Variants in TAB3 observed in about 807,000 individuals in gnomAD.
TAB3 encodes TGF-beta-activated kinase 1 and MAP3K7-binding protein 3.
In TAB3, 18 loss-of-function variants were observed where a neutral mutation model predicts 48.1. The observed-to-expected ratio is 0.37, with a 90% CI of 0.26 to 0.55. The LOEUF is 0.55. TAB3 is among the 20% of genes least tolerant of loss of function. TAB3 has a pLI of 0.78. For synonymous variants in TAB3, 185 were observed against 190.2 expected (o/e 0.97, Z 0.22); for missense variants, 414 against 549.8 (o/e 0.75, Z 2.47).
intron 8 of TAB3, chrX:30,846,230 TA>T: frequency 3.0e-6 from 1 of 334,150 alleles, no homozygotes; most frequent in Non-Finnish European, 4.6e-6. Flanking sequence ...GTCTATCACA[TA>T]ATATGAACTC....
At chrX:30,842,817 C>A (rs1248215486) in intron 9 of TAB3, 149 bp downstream of exon 9, 23 of 388,187 alleles carry the variant, frequency 5.9e-5, no homozygotes, top group Non-Finnish European at 9.5e-5. Flanking sequence ...CAGAATGAGA[C>A]CCTGTCTCAA....
chrX:30,867,177 A>T lies in TAB3; in HGVS notation c.-153T>A, dbSNP rs1027970191. The T allele has an allele frequency of 1.8e-5, 2 of 111,867 alleles. No homozygotes were observed. Among genetic ancestry groups the T allele is most frequent in the African/African-American group, 6.5e-5 (2 of 30,760 alleles). 9.2% of individuals were successfully genotyped at this position (111,867 alleles called of 1,213,427 possible). A position where few individuals can be genotyped will look rare whatever the true frequency, so the allele number is the denominator to read the frequency against. The stretch of plus-strand genomic sequence containing the variant: ...TGTCACAGCCAAGAGGAGTCTAAGG[A>T]GACATAACAACCAACTGTGATGGGG... On this transcript the variant is annotated 5_prime_UTR_variant, in exon 4 of 11. Coordinates refer to ENST00000288422, the MANE Select transcript of TAB3 (RefSeq NM_152787.5).
In TAB3 at chrX:30,834,050, C is replaced by A; in HGVS notation, c.1990+1G>T. 3 of 1,208,564 alleles carry A rather than the reference C, an allele frequency of 2.5e-6. No homozygotes were observed. Among genetic ancestry groups the A allele is most frequent in the Non-Finnish European group, 3.4e-6 (3 of 892,926 alleles). On this transcript the variant is annotated splice_donor_variant, in intron 10 of 10. Transcript: ENST00000288422. LOFTEE classifies it high-confidence loss of function. ...CAAACTCTGGACACACAAGTACAAACCATCTGCAGCTGCTGCCTGGGTGTC... is the reference window on the plus strand; with the variant it reads ...CAAACTCTGGACACACAAGTACAAAACATCTGCAGCTGCTGCCTGGGTGTC...
chrX:30,855,921 TCAC>T (rs756164632), intron 5 of TAB3, among the ~76,000 whole-genome samples: 17 of 111,696 alleles, frequency 1.5e-4, no homozygotes, highest in Non-Finnish European at 2.3e-4. Flanking sequence ...TATCTCGGAT[TCAC>T]CACAATTGCT....
intron 4 of TAB3, among the ~76,000 whole-genome samples, chrX:30,864,803 GTT>G (rs35078525): frequency 4.7e-4 from 43 of 91,402 alleles, no homozygotes; most frequent in African/African-American, 1.3e-3. Flanking sequence ...GTGTGTGTGT[GTT>G]TTTTTTTTAA....
At chrX:30,850,219 G>A (rs1280321630) in intron 7 of TAB3, among the ~76,000 whole-genome samples, 1 of 111,655 alleles carries the variant, frequency 9.0e-6, no homozygotes, top group African/African-American at 3.3e-5. Context: ...GCTTGGCAAT[G>A]GAAACACATG....
chrX:30,882,976 A>C (rs1940035271), intron 1 of TAB3, among the ~76,000 whole-genome samples: 1 of 112,175 alleles, frequency 8.9e-6, no homozygotes, highest in Non-Finnish European at 1.9e-5. Context: ...AGCAAAAACT[A>C]CTAAAAGTTG....
chrX:30,886,539 T>A (rs1406488754), intron 1 of TAB3, among the ~76,000 whole-genome samples: 2 of 112,068 alleles, frequency 1.8e-5, no homozygotes, highest in Non-Finnish European at 3.8e-5. Context: ...TGATGTGTAC[T>A]GAGGAACACA....
chrX:30,834,626 TTTTG>T (rs1938137426), intron 9 of TAB3: 1 of 112,659 alleles, frequency 8.9e-6, no homozygotes. Flanking sequence ...TTTGTTTTGT[TTTTG>T]TTTTTTTTGA....
At position 30,854,200 on chromosome X, in the gene TAB3, T is replaced by C. The variant is rs760954338; in HGVS notation, c.1465A>G (p.Ile489Val). 1.7e-6 allele frequency: 2 copies of C among 1,209,694 alleles called. No homozygotes were observed. The highest frequency in any genetic ancestry group is 2.2e-6 in the Non-Finnish European group (2 of 895,148). ...CCCTTTTCTCCCCCAGAGCCTGGTA[T>C]CACTGAAATGGGCTGAATAGGTTCT... ...APEPIQPISV[I>V]PGSGGEKGSH... Residue 489 changes from isoleucine (I) to valine (V), a missense_variant, in exon 6 of 11, where the codon ATA (isoleucine) becomes GTA (valine). Physicochemically the swap from Ile to Val is conservative, Grantham distance 29. Coordinates refer to ENST00000288422, the MANE Select transcript of TAB3 (RefSeq NM_152787.5).
At chrX:30,832,171 A>G (rs1361292132) in intron 10 of TAB3, among the ~76,000 whole-genome samples, 1 of 112,384 alleles carries the variant, frequency 8.9e-6, no homozygotes, top group African/African-American at 3.2e-5. Context: ...CATTCAGTAT[A>G]AAAGACTTTT....
rs746878484 is a variant in TAB3 at position 30,831,447 on chromosome X, C to T, written c.2119G>A (p.Glu707Lys). ...HPALNRCEQCEMPRYT is the reference protein window; with the variant it reads ...HPALNRCEQCKMPRYT ...TGAATTCAGGTGTACCGTGGCATCT[C>T]GCACTGCTCACAGCGATTTAGTGCT... Residue 707 changes from glutamate (E) to lysine (K), a missense_variant, in exon 11 of 11, where the codon GAG becomes AAG. Glu to Lys is a moderately conservative substitution (Grantham distance 56). Coordinates refer to ENST00000288422, the MANE Select transcript of TAB3 (RefSeq NM_152787.5). 2.5e-6 allele frequency: 3 copies of T among 1,210,250 alleles called. No homozygotes were observed. The highest frequency in any genetic ancestry group is 3.4e-6 in the Non-Finnish European group (3 of 894,900).
At chrX:30,874,028 T>C (rs1045615733) in intron 1 of TAB3, among the ~76,000 whole-genome samples, 1 of 110,942 alleles carries the variant, frequency 9.0e-6, no homozygotes, top group African/African-American at 3.3e-5. Context: ...TATAAAAAAG[T>C]AGGTGTGGTG....
chrX:30,873,252 T>A (rs188501681), intron 1 of TAB3, among the ~76,000 whole-genome samples: 1 of 112,071 alleles, frequency 8.9e-6, no homozygotes, highest in East Asian at 2.8e-4. Flanking sequence ...AAATAAAAAG[T>A]TACGGCCGGG....
chrX:30,862,622 T>G (rs1039210352), intron 4 of TAB3, among the ~76,000 whole-genome samples: 1 of 111,966 alleles, frequency 8.9e-6, no homozygotes, highest in African/African-American at 3.2e-5. Context: ...ACCATTATTT[T>G]TATCACTATA....
rs142938832 is a variant in TAB3 at position 30,875,511 on chromosome X, A to G, written c.-382-3710T>C. Among the ~76,000 whole-genome samples the G allele has an allele frequency of 3.0e-3, 333 of 110,795 alleles. 1 individual carries two copies. Among genetic ancestry groups the G allele is most frequent in the African/African-American group, 0.011 (324 of 30,285 alleles). ...TCCTATTTCACAAGGGCAGATATAT[A>G]TTATACCTACATATAAGTATGCTAA... On this transcript the variant is annotated intron_variant, in intron 1 of 10. Coordinates refer to ENST00000288422, the MANE Select transcript of TAB3 (RefSeq NM_152787.5).
At chrX:30,884,466 T>A (rs1480181615) in intron 1 of TAB3, among the ~76,000 whole-genome samples, 1 of 111,061 alleles carries the variant, frequency 9.0e-6, no homozygotes, top group Non-Finnish European at 1.9e-5. Flanking sequence ...TCTGAACATC[T>A]GGGCATTTTA....
At chrX:30,867,934 T>G (rs1453846654) in intron 2 of TAB3, among the ~76,000 whole-genome samples, 1 of 107,082 alleles carries the variant, frequency 9.3e-6, no homozygotes, top group African/African-American at 3.4e-5. Context: ...TTTTTTTTTT[T>G]GAGACAGGCT....
chrX:30,870,606 T>C (rs1939637769), intron 2 of TAB3, among the ~76,000 whole-genome samples: 1 of 112,394 alleles, frequency 8.9e-6, no homozygotes, highest in African/African-American at 3.2e-5. Flanking sequence ...TTACAAAAAA[T>C]AGGTTTTTTG....
Sources: allele counts gnomAD v4.1 joint callset (sites outside exome capture counted in the v4.1 genomes callset), GRCh38; gene constraint gnomAD v4.1.1; transcripts MANE v1.5; gene names NCBI Gene and HGNC (gene_info 2026-07-23, HGNC 2026-07-21).